WDR27: variants seen among roughly 807,000 people sequenced by gnomAD.
WDR27 encodes WD repeat domain 27.
A neutral mutation model predicts 114.4 loss-of-function variants in WDR27; 100 were observed. The ratio of observed to expected loss-of-function variants is 0.87; its 90% CI spans 0.74 to 1.03. WDR27 has a LOEUF of 1.03. WDR27 is among the 50% of genes least tolerant of loss of function. WDR27 has a pLI of 0.00. For synonymous variants in WDR27, 449 were observed against 423.1 expected (o/e 1.06, Z -0.75); for missense variants, 1,129 against 1,092.9 (o/e 1.03, Z -0.47).
At chr6:169,616,879 TC>T (rs762582320) in intron 21 of WDR27, among the ~76,000 whole-genome samples, 21 of 152,092 alleles carry the variant, frequency 1.4e-4, no homozygotes, top group Non-Finnish European at 2.8e-4. Context: ...AAAGCATACA[TC>T]TGAAGCTTGG....
intron 13 of WDR27, among the ~76,000 whole-genome samples, chr6:169,656,213 G>A (rs1824154179): frequency 6.6e-6 from 1 of 152,150 alleles, no homozygotes. Flanking sequence ...TCAAAGATGG[G>A]CACAGCAGTG....
chr6:169,573,997 A>G (rs1344852071), intron 24 of WDR27, among the ~76,000 whole-genome samples: 1 of 152,290 alleles, frequency 6.6e-6, no homozygotes, highest in African/African-American at 2.4e-5. Context: ...CATCCTAAGC[A>G]GTTAAACAGC....
chr6:169,464,269 A>G (rs1054985957), intron 25 of WDR27, among the ~76,000 whole-genome samples: 2 of 152,216 alleles, frequency 1.3e-5, no homozygotes, highest in Non-Finnish European at 2.9e-5. Flanking sequence ...GGGCTCCAAG[A>G]CCATTCAATG....
chr6:169,525,378 T>C (rs962714929), intron 25 of WDR27, among the ~76,000 whole-genome samples: 2 of 151,084 alleles, frequency 1.3e-5, no homozygotes, highest in African/African-American at 4.9e-5. Context: ...CTACTAAAAA[T>C]ACAAAAAATT....
At chr6:169,670,349 T>A (rs1239091115) in intron 4 of WDR27, 3 of 417,146 alleles carry the variant, frequency 7.2e-6, no homozygotes, top group Non-Finnish European at 1.2e-5. Context: ...CCAGATTCCA[T>A]AAAGAGTTTT....
rs982160065 is a variant in WDR27, at chr6:169,684,255, C to A, written c.189+4562G>T. On this transcript the variant is annotated intron_variant, in intron 2 of 25. Transcript: ENST00000448612. This position sits in a 1 kb window ranked among gnomAD's most constrained non-coding sequence, Gnocchi z 4.3. ...CACACCCTCCTCAAAGCAGGAGAGG[C>A]TCCTGAGACTCCTAACAGATGATTC... is the stretch of plus-strand genomic sequence containing the variant. 6.6e-6 allele frequency among the ~76,000 whole-genome samples: 1 copy of A among 152,160 alleles called. No individual in the cohort carries two copies. Among genetic ancestry groups the A allele is most frequent in the South Asian group, 2.1e-4 (1 of 4,828 alleles).
intron 23 of WDR27, among the ~76,000 whole-genome samples, chr6:169,583,498 TATATATGTATATATACACACACACAC>T (rs1803931635): frequency 3.2e-5 from 1 of 31,712 alleles, no homozygotes; most frequent in South Asian, 9.5e-4. Context: ...CATATATATA[TATATATGTATATATACACACACACAC>T]ACACACACAC....
At chr6:169,636,146 C>T (rs777227256) in intron 19 of WDR27, among the ~76,000 whole-genome samples, 5 of 152,134 alleles carry the variant, frequency 3.3e-5, no homozygotes, top group Non-Finnish European at 5.9e-5. Context: ...TCTCAAATCC[C>T]CCAAATTCTC....
chr6:169,558,880 G>A (rs1799274221), intron 25 of WDR27: 1 of 152,184 alleles, frequency 6.6e-6, no homozygotes, highest in Non-Finnish European at 1.5e-5. Flanking sequence ...TTTGACTACT[G>A]TTGGTGAGAG....
intron 24 of WDR27, among the ~76,000 whole-genome samples, chr6:169,579,877 C>T (rs1338068034): frequency 6.6e-6 from 1 of 152,234 alleles, no homozygotes; most frequent in Non-Finnish European, 1.5e-5. Flanking sequence ...CTTTCCTGAG[C>T]AAAGCCAAGA....
At chr6:169,504,319 T>C (rs7761834) in intron 25 of WDR27, among the ~76,000 whole-genome samples, 35,052 of 152,158 alleles carry the variant, frequency 0.23, 4,646 homozygotes, top group African/African-American at 0.36. Context: ...CCTTGAATTG[T>C]AAGAGTCCAT....
downstream of WDR27, among the ~76,000 whole-genome samples, chr6:169,456,609 G>T (rs1175838283): frequency 6.6e-6 from 1 of 152,138 alleles, no homozygotes; most frequent in Non-Finnish European, 1.5e-5. The surrounding 1 kb of genome is among the most constrained non-coding windows in gnomAD (Gnocchi z 4.0). Context: ...CAATTCCCAG[G>T]ACAGGCAGCC....
intron 22 of WDR27, among the ~76,000 whole-genome samples, chr6:169,604,715 G>T (rs949318147): frequency 2.6e-5 from 4 of 151,986 alleles, no homozygotes; most frequent in Admixed American, 2.0e-4. Flanking sequence ...CTACCAAACA[G>T]AATCCAATAG....
chr6:169,621,374 A>G (rs1264029548), intron 21 of WDR27, among the ~76,000 whole-genome samples: 2 of 151,328 alleles, frequency 1.3e-5, no homozygotes, highest in Non-Finnish European at 2.9e-5. Flanking sequence ...ACATGCATGC[A>G]TGTAGACATA....
At position 169,457,578 on chromosome 6, in the gene WDR27, C is replaced by T; in HGVS notation, c.*14G>A. On this transcript the variant is annotated 3_prime_UTR_variant, in exon 26 of 26. Coordinates refer to ENST00000448612, the MANE Select transcript of WDR27 (RefSeq NM_182552.5). ...GCATTCCTGGACCCAGCTCACAGGT[C>T]AGTGGTTACTCAGCTAGAAAGAGCT... The T allele has an allele frequency of 6.4e-7, 1 of 1,551,008 alleles. No homozygotes were observed. Among genetic ancestry groups the T allele is most frequent in the Non-Finnish European group, 8.7e-7 (1 of 1,146,534 alleles).
intron 25 of WDR27, among the ~76,000 whole-genome samples, chr6:169,527,060 T>C (rs1187917921): frequency 6.6e-6 from 1 of 152,238 alleles, no homozygotes; most frequent in East Asian, 1.9e-4. Flanking sequence ...TGTAAAATAA[T>C]GTAGCCACTG....
chr6:169,686,739 T>C (rs1000482162), intron 2 of WDR27, among the ~76,000 whole-genome samples: 1 of 152,182 alleles, frequency 6.6e-6, no homozygotes, highest in Non-Finnish European at 1.5e-5. Context: ...GGAATCAACC[T>C]AAGCATCCAT....
intron 22 of WDR27, among the ~76,000 whole-genome samples, chr6:169,604,271 A>G (rs1043356756): frequency 6.6e-6 from 1 of 152,198 alleles, no homozygotes; most frequent in Non-Finnish European, 1.5e-5. Flanking sequence ...AAAAACAGAC[A>G]TTACAACCAA....
At chr6:169,654,444 T>C (rs1321333985) in intron 13 of WDR27, among the ~76,000 whole-genome samples, 6 of 152,208 alleles carry the variant, frequency 3.9e-5, no homozygotes, top group Non-Finnish European at 5.9e-5. Context: ...CTTATGACAG[T>C]AAAGCGTATC....
Sources: allele counts gnomAD v4.1 joint callset (sites outside exome capture counted in the v4.1 genomes callset), GRCh38; gene constraint gnomAD v4.1.1; non-coding constraint Gnocchi (gnomAD v3.1); transcripts MANE v1.5; gene names NCBI Gene and HGNC (gene_info 2026-07-23, HGNC 2026-07-21).